STK33: variants seen among roughly 807,000 people sequenced by gnomAD.
STK33 encodes serine/threonine-protein kinase 33.
STK33 carries 52 observed loss-of-function variants against 58.0 expected under a neutral mutation model. The observed-to-expected ratio is 0.90, with a 90% CI of 0.72 to 1.13. The LOEUF (loss-of-function observed/expected upper bound fraction) is 1.13, where lower values mean the gene tolerates loss of function less well. Among genes scored for constraint, STK33 ranks in the 50% most tolerant of loss-of-function variants. The probability of loss-of-function intolerance (pLI) is 0.00; values close to 1 mark genes in which losing one functional copy is unlikely to be tolerated. For missense variants in STK33, 630 were observed against 604.2 expected, an observed-to-expected ratio of 1.04 and a Z score of -0.45; for synonymous variants, 215 against 200.1, an observed-to-expected ratio of 1.07 and a Z score of -0.63.
At chr11:8,504,802 A>G (rs541014210) in intron 1 of STK33, among the ~76,000 whole-genome samples, 2 of 152,238 alleles carry the variant, frequency 1.3e-5, no homozygotes, top group South Asian at 4.1e-4. Context: ...TGTCCCTAAA[A>G]AAAAGGAAAA....
chr11:8,459,259 C>A (rs542923570), intron 8 of STK33, among the ~76,000 whole-genome samples: 1 of 152,264 alleles, frequency 6.6e-6, no homozygotes, highest in Admixed American at 6.5e-5. Context: ...ATGATCAGTA[C>A]CATGGCACAA....
chr11:8,522,790 A>G (rs549971985), intron 1 of STK33, among the ~76,000 whole-genome samples: 1 of 151,666 alleles, frequency 6.6e-6, no homozygotes, highest in Admixed American at 6.6e-5. Flanking sequence ...TTTCCTTTCT[A>G]CGGTCTCCCT....
intron 14 of STK33, among the ~76,000 whole-genome samples, chr11:8,432,655 T>C (rs1253629315): frequency 2.0e-5 from 3 of 152,218 alleles, no homozygotes; most frequent in African/African-American, 7.2e-5. Context: ...TACTATGTGT[T>C]AGGTATTACA....
At chr11:8,579,225 A>G (rs1257750745) in intron 1 of STK33, among the ~76,000 whole-genome samples, 2 of 152,040 alleles carry the variant, frequency 1.3e-5, no homozygotes, top group African/African-American at 4.8e-5. Flanking sequence ...AGGAACCATC[A>G]TACATTTGGT....
intron 11 of STK33, among the ~76,000 whole-genome samples, chr11:8,443,612 G>C (rs1485967732): frequency 6.9e-6 from 1 of 144,218 alleles, no homozygotes; most frequent in African/African-American, 2.6e-5. Context: ...AAAAAAAAAA[G>C]TCAAGGTACT....
intron 1 of STK33, among the ~76,000 whole-genome samples, chr11:8,515,639 C>G (rs903348434): frequency 6.6e-6 from 1 of 152,066 alleles, no homozygotes; most frequent in Non-Finnish European, 1.5e-5. Context: ...CAAACCATGA[C>G]CAAGTAAGAC....
chr11:8,443,425 C>A (rs1033111889), intron 11 of STK33, among the ~76,000 whole-genome samples: 3 of 151,988 alleles, frequency 2.0e-5, no homozygotes, highest in Admixed American at 1.3e-4. Context: ...TAAAGAAAAC[C>A]AGACAGATAA....
intron 15 of STK33, among the ~76,000 whole-genome samples, chr11:8,400,622 C>A (rs1210224873): frequency 4.0e-5 from 6 of 150,818 alleles, no homozygotes; most frequent in Admixed American, 2.0e-4. Flanking sequence ...CTGGCCAGGG[C>A]AATCAGGCAG....
At chr11:8,406,129 C>T (rs886940320) in intron 15 of STK33, among the ~76,000 whole-genome samples, 5 of 120,378 alleles carry the variant, frequency 4.2e-5, no homozygotes, top group African/African-American at 9.5e-5. Context: ...GGTGACAGAG[C>T]GAGACTCCGT....
chr11:8,352,969 G>A, the STK33 span, among the ~76,000 whole-genome samples: 4 of 152,190 alleles, frequency 2.6e-5, no homozygotes, highest in Admixed American at 1.3e-4. Context: ...ATGAGCACCC[G>A]TGCTGTGTGA....
At chr11:8,554,044 A>G (rs1028628829) in intron 1 of STK33, among the ~76,000 whole-genome samples, 2 of 152,154 alleles carry the variant, frequency 1.3e-5, no homozygotes, top group Non-Finnish European at 2.9e-5. Context: ...TACAAACCAT[A>G]TATCTGAAAA....
At position 8,566,065 on chromosome 11, in the gene STK33, T is replaced by G. The variant is rs990502984; in HGVS notation, c.-466+28018A>C. ...GCCAAAATCATTATTTACATATAAA[T>G]AACATCATTGGTCAACTGATTAATA... On this transcript the variant is annotated intron_variant, in intron 1 of 15. Transcript: ENST00000687296. Among the ~76,000 whole-genome samples, 4 of 152,316 alleles carry G rather than the reference T, an allele frequency of 2.6e-5. No homozygotes were observed. In the South Asian group the frequency reaches 8.3e-4, roughly 32 times the overall value.
At chr11:8,423,929 T>G (rs1346577265) in intron 14 of STK33, among the ~76,000 whole-genome samples, 2 of 152,066 alleles carry the variant, frequency 1.3e-5, no homozygotes, top group Non-Finnish European at 2.9e-5. Flanking sequence ...AGTTGAATCT[T>G]TAATCCTTAT....
chr11:8,388,817 C>T (rs1391931167), downstream of STK33, among the ~76,000 whole-genome samples: 3 of 152,196 alleles, frequency 2.0e-5, no homozygotes, highest in Non-Finnish European at 4.4e-5. Context: ...ATTTCAGGTT[C>T]GGTATCGGGC....
intron 1 of STK33, among the ~76,000 whole-genome samples, chr11:8,569,640 C>T (rs183893515): frequency 6.6e-6 from 1 of 152,234 alleles, no homozygotes; most frequent in Admixed American, 6.5e-5. Flanking sequence ...AAGACTTCTA[C>T]TCCTCAAAAG....
In STK33 at chr11:8,541,732, C is replaced by CTTT. The variant is rs143719596; in HGVS notation, c.-466+52350_-466+52351insAAA. On this transcript the variant is annotated intron_variant, in intron 1 of 15. Coordinates refer to ENST00000687296, the MANE Select transcript of STK33 (RefSeq NM_001352389.2). ...TGGTACTACAAGCCCCTTCAAAAGA[C>CTTT]TTAAATTGTATTAAAATACTACTTT... Among the ~76,000 whole-genome samples, 1,174 of 152,216 alleles carry CTTT rather than the reference C, an allele frequency of 7.7e-3. 18 individuals carry two copies. Among genetic ancestry groups the CTTT allele is most frequent in the African/African-American group, 0.026 (1,078 of 41,540 alleles).
At chr11:8,556,903 T>C (rs1956778977) in intron 1 of STK33, among the ~76,000 whole-genome samples, 5 of 152,082 alleles carry the variant, frequency 3.3e-5, no homozygotes, top group Admixed American at 3.3e-4. Context: ...AATGCCCCTC[T>C]TTGCTAGATG....
intron 15 of STK33, among the ~76,000 whole-genome samples, chr11:8,396,451 G>C: frequency 6.6e-6 from 1 of 152,204 alleles, no homozygotes; most frequent in Non-Finnish European, 1.5e-5. Flanking sequence ...GCATTGTTCA[G>C]AAAGCAGAAT....
In STK33 at chr11:8,586,218, G is replaced by GAA. The variant is rs142885342; in HGVS notation, c.-466+7863_-466+7864dup. Among the ~76,000 whole-genome samples the GAA allele has an allele frequency of 3.3e-4, 34 of 101,904 alleles. 1 individual carries two copies. Among genetic ancestry groups the GAA allele is most frequent in the South Asian group, 1.0e-3 (3 of 2,918 alleles). 66.9% of individuals were successfully genotyped at this position (101,904 alleles called of 152,430 possible). On this transcript the variant is annotated intron_variant, in intron 1 of 15. Transcript: ENST00000687296. Reference sequence around the variant, plus strand: ...GTCAAGAGAGCCAGATCCTATCTCGGAAAAAAAAAAAAAAAAAAACACCTG... The same window carrying GAA: ...GTCAAGAGAGCCAGATCCTATCTCGGAAAAAAAAAAAAAAAAAAAAACACCTG...
Sources: gnomAD v4.1 joint callset for allele counts (sites outside exome capture counted in the v4.1 genomes callset) on GRCh38, gnomAD v4.1.1 for gene constraint, MANE v1.5 for transcripts, NCBI Gene and HGNC (gene_info 2026-07-23, HGNC 2026-07-21) for gene names.